Variants in ANO3 observed in about 807,000 individuals in gnomAD.
ANO3 encodes anoctamin 3, also known as anoctamin-3.
In ANO3, 99 loss-of-function variants were observed where a neutral mutation model predicts 144.8. The observed-to-expected ratio is 0.68, with a 90% CI of 0.58 to 0.81. The LOEUF (loss-of-function observed/expected upper bound fraction) is 0.81, where lower values mean the gene tolerates loss of function less well. Among genes scored for constraint, ANO3 ranks in the 30% least tolerant of loss-of-function variants. ANO3 has a pLI of 0.00. For missense variants in ANO3, 905 were observed against 1,202.2 expected (o/e 0.75, Z 3.66); for synonymous variants, 414 against 392.6 (o/e 1.05, Z -0.64).
chr11:26,553,219 G>GTTTTTTTTTTTTTTTTTTT (rs201093158), intron 12 of ANO3, 30 bp from the exon 13 acceptor site: 6 of 1,198,798 alleles, frequency 5.0e-6, no homozygotes, highest in Non-Finnish European at 7.0e-6. Flanking sequence ...GCTATGTTTT[G>GTTTTTTTTTTTTTTTTTTT]TTTTGTTTTT....
intron 1 of ANO3, among the ~76,000 whole-genome samples, chr11:26,343,805 G>C (rs1037729393): frequency 3.9e-5 from 6 of 152,016 alleles, no homozygotes; most frequent in Non-Finnish European, 8.8e-5. Context: ...TATATAAATT[G>C]GGACTGATAA....
rs144394919 is a variant in ANO3 at position 26,344,006 on chromosome 11, G to A, written c.46+11685G>A. Reference sequence around the variant, plus strand: ...ACTTTCCTTATTGTTCAGTTCTTAGGCCGATTTTTAAAAAATCATAACGTA... The same window carrying A: ...ACTTTCCTTATTGTTCAGTTCTTAGACCGATTTTTAAAAAATCATAACGTA... On this transcript the variant is annotated intron_variant, in intron 1 of 26. Transcript: ENST00000256737. 9.2e-4 allele frequency among the ~76,000 whole-genome samples: 140 copies of A among 152,098 alleles called. 1 individual carries two copies. The highest frequency in any genetic ancestry group is 1.6e-3 in the Non-Finnish European group (109 of 67,982).
At chr11:26,377,027 T>G (rs1028976403) in intron 1 of ANO3, among the ~76,000 whole-genome samples, 1 of 152,120 alleles carries the variant, frequency 6.6e-6, no homozygotes, top group African/African-American at 2.4e-5. Flanking sequence ...AATTCTTAGA[T>G]TCATCCTAGA....
intron 1 of ANO3, among the ~76,000 whole-genome samples, chr11:26,282,604 G>C (rs943267649): frequency 6.6e-6 from 1 of 151,988 alleles, no homozygotes; most frequent in South Asian, 2.1e-4. Flanking sequence ...TTGGAATTGT[G>C]TAGGCCATTT....
At chr11:26,550,825 T>A (rs550715752) in intron 12 of ANO3, among the ~76,000 whole-genome samples, 1 of 152,064 alleles carries the variant, frequency 6.6e-6, no homozygotes, top group Non-Finnish European at 1.5e-5. Context: ...ATTCTATTTT[T>A]GATTTTTTGA....
At chr11:26,521,914 G>T (rs1278703641) in intron 6 of ANO3, among the ~76,000 whole-genome samples, 1 of 152,158 alleles carries the variant, frequency 6.6e-6, no homozygotes, top group Non-Finnish European at 1.5e-5. Context: ...GCCGGGCGCG[G>T]TGGCTCACGC....
intron 1 of ANO3, among the ~76,000 whole-genome samples, chr11:26,224,549 G>C (rs566290499): frequency 6.6e-6 from 1 of 152,280 alleles, no homozygotes; most frequent in East Asian, 1.9e-4. Flanking sequence ...GTACCCTTAT[G>C]CCCTGTGTGC....
chr11:26,590,773 C>T (rs1176640396), intron 14 of ANO3, among the ~76,000 whole-genome samples: 1 of 152,196 alleles, frequency 6.6e-6, no homozygotes, highest in Non-Finnish European at 1.5e-5. Context: ...GGACACCCTG[C>T]TGGATCCGGA....
chr11:26,510,845 T>A lies in ANO3; in HGVS notation c.591+2583T>A, dbSNP rs567413292. 7.2e-5 allele frequency among the ~76,000 whole-genome samples: 11 copies of A among 152,348 alleles called. No individual in the cohort carries two copies. The South Asian group carries it at 2.3e-3, about 32-fold the overall frequency. On this transcript the variant is annotated intron_variant, in intron 5 of 26. Coordinates refer to ENST00000256737, the MANE Select transcript of ANO3 (RefSeq NM_031418.4). Reference sequence around the variant, plus strand: ...TCCAAACTTTTCTCAAGAATAATACTGGATGTTAGTCATCCAAAAAGGGTC... The same window carrying A: ...TCCAAACTTTTCTCAAGAATAATACAGGATGTTAGTCATCCAAAAAGGGTC...
chr11:26,346,013 C>T (rs1464912129), intron 1 of ANO3, among the ~76,000 whole-genome samples: 2 of 152,272 alleles, frequency 1.3e-5, no homozygotes, highest in East Asian at 3.9e-4. Flanking sequence ...GAACTGATAA[C>T]AGTTTGGGGC....
At chr11:26,399,401 C>G (rs1032867020) in intron 1 of ANO3, among the ~76,000 whole-genome samples, 1 of 151,912 alleles carries the variant, frequency 6.6e-6, no homozygotes, top group Non-Finnish European at 1.5e-5. Flanking sequence ...AATACACACA[C>G]AAAGTCCATT....
At chr11:26,355,994 T>A (rs1855772825) in intron 1 of ANO3, among the ~76,000 whole-genome samples, 1 of 152,166 alleles carries the variant, frequency 6.6e-6, no homozygotes, top group African/African-American at 2.4e-5. Flanking sequence ...TTTGTATTAT[T>A]TTTATAACAA....
chr11:26,476,961 A>G (rs1018137542), intron 4 of ANO3, among the ~76,000 whole-genome samples: 3 of 150,758 alleles, frequency 2.0e-5, no homozygotes, highest in African/African-American at 7.3e-5. Context: ...GACTTTTAAT[A>G]CTGCTGAGGA....
At chr11:26,339,823 A>G (rs943881484) in intron 1 of ANO3, among the ~76,000 whole-genome samples, 1 of 152,162 alleles carries the variant, frequency 6.6e-6, no homozygotes, top group African/African-American at 2.4e-5. Context: ...TATTAGTACA[A>G]CCATCCTGGC....
chr11:26,545,956 C>T (rs1056418157), intron 11 of ANO3, among the ~76,000 whole-genome samples: 1 of 151,874 alleles, frequency 6.6e-6, no homozygotes, highest in East Asian at 1.9e-4. Flanking sequence ...GACTATACTT[C>T]GCCAAATAAT....
chr11:26,419,304 G>T (rs1857685172), intron 1 of ANO3, among the ~76,000 whole-genome samples: 1 of 152,088 alleles, frequency 6.6e-6, no homozygotes. Flanking sequence ...GTGGAGATTT[G>T]GGTAGGACGC....
chr11:26,315,220 T>C lies in ANO3; in HGVS notation c.-3+5501T>C, dbSNP rs539310990. 5.9e-5 allele frequency among the ~76,000 whole-genome samples: 9 copies of C among 152,306 alleles called. No homozygotes were observed. The East Asian group carries it at 1.5e-3, about 26-fold the overall frequency. Reference sequence around the variant, plus strand: ...GTATTACCTATTATTTCCTATCTAATTATCAGTCCATAAAAATCCACTTCG... The same window carrying C: ...GTATTACCTATTATTTCCTATCTAACTATCAGTCCATAAAAATCCACTTCG... On this transcript the variant is annotated intron_variant, in intron 1 of 26. Transcript: ENST00000525139.
intron 3 of ANO3, among the ~76,000 whole-genome samples, chr11:26,457,752 G>T (rs1859223805): frequency 6.6e-6 from 1 of 152,100 alleles, no homozygotes. Flanking sequence ...AACATATGAA[G>T]TGATTTTATT....
chr11:26,480,894 A>T (rs1860189333), intron 4 of ANO3, among the ~76,000 whole-genome samples: 1 of 152,174 alleles, frequency 6.6e-6, no homozygotes, highest in Non-Finnish European at 1.5e-5. Flanking sequence ...TGGAGTTAGA[A>T]CACATGAATT....
Sources: allele counts gnomAD v4.1 joint callset (sites outside exome capture counted in the v4.1 genomes callset), GRCh38; gene constraint gnomAD v4.1.1; transcripts MANE v1.5; gene names NCBI Gene and HGNC (gene_info 2026-07-23, HGNC 2026-07-21).